RGS7: variants seen among roughly 807,000 people sequenced by gnomAD.
RGS7 encodes the protein regulator of G-protein signaling 7.
A neutral mutation model predicts 81.1 loss-of-function variants in RGS7; 27 were observed. The observed-to-expected ratio is 0.33, with a 90% CI of 0.25 to 0.46. The LOEUF (loss-of-function observed/expected upper bound fraction) is 0.46. Among genes scored for constraint, RGS7 ranks in the 20% least tolerant of loss-of-function variants. The probability of loss-of-function intolerance (pLI) is 1.00; values close to 1 mark genes in which losing one functional copy is unlikely to be tolerated. For synonymous variants in RGS7, 208 were observed against 207.7 expected, an observed-to-expected ratio of 1.00 and a Z score of -0.01; for missense variants, 396 against 607.4, an observed-to-expected ratio of 0.65 and a Z score of 3.66.
chr1:241,210,176 G>T (rs1312049235), intron 2 of RGS7, among the ~76,000 whole-genome samples: 3 of 152,052 alleles, frequency 2.0e-5, no homozygotes, highest in Non-Finnish European at 2.9e-5. Flanking sequence ...TTGAGATGGA[G>T]TCTCGCCCTG....
chr1:240,898,677 T>G (rs1018219538), intron 6 of RGS7, among the ~76,000 whole-genome samples: 53 of 152,328 alleles, frequency 3.5e-4, no homozygotes, highest in Admixed American at 1.3e-4. Flanking sequence ...TTCTTTTACA[T>G]TTGCTGAGGA....
At chr1:241,160,072 C>T (rs59590979) in intron 2 of RGS7, among the ~76,000 whole-genome samples, 9,523 of 134,254 alleles carry the variant, frequency 0.071, 590 homozygotes, top group East Asian at 0.18. Flanking sequence ...GATAGCACCA[C>T]GGCACTATAG....
chr1:240,932,869 T>C (rs1421333838), intron 5 of RGS7, among the ~76,000 whole-genome samples: 1 of 142,376 alleles, frequency 7.0e-6, no homozygotes, highest in Non-Finnish European at 1.5e-5. Context: ...TCTACTTTGG[T>C]ATCTTTCTTT....
At chr1:241,092,281 T>G (rs2492990) in intron 3 of RGS7, among the ~76,000 whole-genome samples, 45,334 of 152,116 alleles carry the variant, frequency 0.3, 8,480 homozygotes, top group African/African-American at 0.53. Context: ...TCTTACAAAT[T>G]TAAAATTAAT....
chr1:241,212,342 G>A (rs61833795), intron 2 of RGS7, among the ~76,000 whole-genome samples: 171 of 152,206 alleles, frequency 1.1e-3, no homozygotes, highest in Middle Eastern at 6.8e-3. Flanking sequence ...GGTCGACTTC[G>A]TGGGTGTGTC....
chr1:241,070,395 T>C (rs2062366128), intron 3 of RGS7, among the ~76,000 whole-genome samples: 1 of 151,622 alleles, frequency 6.6e-6, no homozygotes, highest in Non-Finnish European at 1.5e-5. Context: ...CATTTATGAC[T>C]TTTCACTTTC....
rs765075553 is a variant in RGS7 at position 240,816,404 on chromosome 1, A to G, written c.696T>C (p.Gly232=). The G allele has an allele frequency of 1.3e-6, 2 of 1,591,802 alleles. No homozygotes were observed. Among genetic ancestry groups the G allele is most frequent in the African/African-American group, 1.3e-5 (1 of 74,568 alleles). Residue 232 remains glycine, a synonymous_variant, in exon 11 of 19, where the codon GGT becomes GGC. Transcript: ENST00000440928. The stretch of plus-strand genomic sequence containing the variant: ...TGTGACTTCTAATATCATTTTGTAA[A>G]CCATAGACAGACTATATTAAAATAA... ...NPHKTRKSVY[G]LQNDIRSHSP...
intron 2 of RGS7, among the ~76,000 whole-genome samples, chr1:241,283,621 T>C (rs78635926): frequency 0.015 from 2,283 of 152,286 alleles, 61 homozygotes; most frequent in African/African-American, 0.051. Context: ...GTTTCTTCTG[T>C]GTGAAGTTCA....
At chr1:241,075,585 C>T (rs899056586) in intron 3 of RGS7, among the ~76,000 whole-genome samples, 5 of 151,748 alleles carry the variant, frequency 3.3e-5, no homozygotes, top group South Asian at 2.1e-4. Flanking sequence ...CTAACACTAA[C>T]GATACCTGAT....
intron 3 of RGS7, among the ~76,000 whole-genome samples, chr1:241,014,155 C>A (rs1252026132): frequency 1.3e-5 from 2 of 152,194 alleles, no homozygotes; most frequent in African/African-American, 4.8e-5. Context: ...TTTTCATCTT[C>A]TTCTCTTGAT....
intron 3 of RGS7, among the ~76,000 whole-genome samples, chr1:240,993,588 T>C (rs1343710636): frequency 1.3e-5 from 2 of 152,184 alleles, no homozygotes; most frequent in African/African-American, 4.8e-5. Flanking sequence ...CAGTTCTTTT[T>C]ATATTCTACA....
intron 9 of RGS7, among the ~76,000 whole-genome samples, chr1:240,856,599 A>C (rs1661171840): frequency 6.6e-6 from 1 of 151,930 alleles, no homozygotes. Flanking sequence ...GAATAACGAT[A>C]TTTTATCATA....
At chr1:240,811,312 G>A (rs1176232997) in intron 14 of RGS7, among the ~76,000 whole-genome samples, 2 of 152,216 alleles carry the variant, frequency 1.3e-5, no homozygotes. Context: ...GCAATTTTCA[G>A]ATCCTCCTTA....
intron 6 of RGS7, among the ~76,000 whole-genome samples, chr1:240,882,927 T>G (rs930257243): frequency 6.6e-6 from 1 of 152,200 alleles, no homozygotes; most frequent in Non-Finnish European, 1.5e-5. Flanking sequence ...GTGTCTGATG[T>G]TCCCCTTCCT....
At chr1:241,328,773 T>C (rs1328704504) in intron 2 of RGS7, among the ~76,000 whole-genome samples, 4 of 152,194 alleles carry the variant, frequency 2.6e-5, no homozygotes, top group African/African-American at 2.4e-5. Flanking sequence ...TGTGTCTCTA[T>C]AGAAACATGT....
chr1:241,068,251 T>TATATATATATATATATATATATATATATA (rs2062204402), intron 3 of RGS7, among the ~76,000 whole-genome samples: 1 of 123,500 alleles, frequency 8.1e-6, no homozygotes, highest in African/African-American at 2.9e-5. Context: ...TATATATATA[T>TATATATATATATATATATATATATATATA]ATATATAAAA....
rs555476100 is a variant in RGS7 at position 241,178,726 on chromosome 1, A to G, written c.79-79964T>C. The stretch of plus-strand genomic sequence containing the variant: ...AGGTATCTGTTTCCTTTGTTTTGAT[A>G]TTGTTTCCAAAAACTACATATCAGG... On this transcript the variant is annotated intron_variant, in intron 2 of 18. Transcript: ENST00000440928. Among the ~76,000 whole-genome samples, 9 of 152,310 alleles carry G rather than the reference A, an allele frequency of 5.9e-5. No individual in the cohort carries two copies. In the East Asian group the frequency reaches 1.7e-3, roughly 29 times the overall value.
At chr1:241,143,197 T>G (rs998842803) in intron 2 of RGS7, among the ~76,000 whole-genome samples, 1 of 152,210 alleles carries the variant, frequency 6.6e-6, no homozygotes, top group African/African-American at 2.4e-5. Flanking sequence ...TTTTACTGTC[T>G]TCTTCTGAGC....
intron 4 of RGS7, among the ~76,000 whole-genome samples, chr1:240,946,290 A>G (rs1678595116): frequency 6.6e-6 from 1 of 152,140 alleles, no homozygotes; most frequent in Admixed American, 6.5e-5. Context: ...CCAGAATTTA[A>G]ACATCAGATG....
Sources: allele counts gnomAD v4.1 joint callset (sites outside exome capture counted in the v4.1 genomes callset), GRCh38; gene constraint gnomAD v4.1.1; transcripts MANE v1.5; gene names NCBI Gene and HGNC (gene_info 2026-07-23, HGNC 2026-07-21).